MGAT4C: variants seen among roughly 807,000 people sequenced by gnomAD.
The protein encoded by MGAT4C is MGAT4 family member C, also known as alpha-1,3-mannosyl-glycoprotein 4-beta-N-acetylglucosaminyltransferase C.
MGAT4C carries 19 observed loss-of-function variants against 40.1 expected under a neutral mutation model. The observed-to-expected ratio is 0.47, with a 90% CI of 0.33 to 0.70. MGAT4C has a LOEUF of 0.70. Among genes scored for constraint, MGAT4C ranks in the 30% least tolerant of loss-of-function variants. MGAT4C has a pLI of 0.02. For missense variants in MGAT4C, 491 were observed against 563.2 expected, an observed-to-expected ratio of 0.87 and a Z score of 1.30; for synonymous variants, 181 against 187.1, an observed-to-expected ratio of 0.97 and a Z score of 0.27.
chr12:86,710,067 T>A (rs1021436669), intron 2 of MGAT4C, among the ~76,000 whole-genome samples: 2 of 152,188 alleles, frequency 1.3e-5, no homozygotes, highest in Non-Finnish European at 2.9e-5. Context: ...TACTAATTTC[T>A]ACTTCTATCC....
chr12:86,494,529 A>G (rs975926355), intron 2 of MGAT4C, among the ~76,000 whole-genome samples: 2 of 151,798 alleles, frequency 1.3e-5, no homozygotes, highest in African/African-American at 4.8e-5. Context: ...AACTTAGACT[A>G]TTAAAGAAAT....
chr12:86,658,276 A>C (rs2136544280), intron 2 of MGAT4C, among the ~76,000 whole-genome samples: 1 of 152,224 alleles, frequency 6.6e-6, no homozygotes, highest in Non-Finnish European at 1.5e-5. Flanking sequence ...CAGAGGTTTA[A>C]GTAAGAATTT....
intron 3 of MGAT4C, among the ~76,000 whole-genome samples, chr12:86,363,905 T>G (rs75053448): frequency 0.091 from 13,874 of 152,048 alleles, 793 homozygotes; most frequent in Middle Eastern, 0.22. Context: ...CAACAACTTA[T>G]AGTGAATAAA....
chr12:86,178,126 C>T (rs1310846279), intron 1 of MGAT4C, among the ~76,000 whole-genome samples: 2 of 152,120 alleles, frequency 1.3e-5, no homozygotes, highest in Non-Finnish European at 2.9e-5. Flanking sequence ...TTGGTAGAGA[C>T]AGGGTTTCAC....
chr12:85,980,775 A>G (rs1184266488), intron 4 of MGAT4C, among the ~76,000 whole-genome samples: 1 of 152,114 alleles, frequency 6.6e-6, no homozygotes, highest in Non-Finnish European at 1.5e-5. Context: ...GAAGGTAGAC[A>G]GGTACCTAGA....
intron 1 of MGAT4C, among the ~76,000 whole-genome samples, chr12:86,096,265 C>T (rs1332821175): frequency 3.3e-5 from 5 of 151,728 alleles, no homozygotes; most frequent in East Asian, 1.9e-4. Context: ...AGGTCACATA[C>T]ATGGCATGAC....
intron 1 of MGAT4C, among the ~76,000 whole-genome samples, chr12:86,233,045 T>C (rs550463609): frequency 1.3e-5 from 2 of 152,330 alleles, no homozygotes; most frequent in Admixed American, 6.5e-5. Context: ...AAAGATTCAA[T>C]GAGGCAGGTA....
intron 2 of MGAT4C, among the ~76,000 whole-genome samples, chr12:86,024,515 A>G (rs1461296556): frequency 3.3e-5 from 5 of 151,804 alleles, no homozygotes; most frequent in Admixed American, 1.3e-4. Flanking sequence ...CATTGATTTT[A>G]TAGAAGATAT....
intron 2 of MGAT4C, among the ~76,000 whole-genome samples, chr12:86,512,015 C>A (rs1276097722): frequency 6.6e-6 from 1 of 151,498 alleles, no homozygotes; most frequent in Admixed American, 6.6e-5. Context: ...GATTTATATT[C>A]AAAATATATT....
At chr12:86,510,298 T>C (rs1210972112) in intron 2 of MGAT4C, among the ~76,000 whole-genome samples, 2 of 152,080 alleles carry the variant, frequency 1.3e-5, no homozygotes, top group African/African-American at 4.8e-5. Context: ...GCTGAGAGAT[T>C]TTGTCACCAA....
intron 2 of MGAT4C, among the ~76,000 whole-genome samples, chr12:86,440,224 C>A (rs1388234559): frequency 6.6e-6 from 1 of 151,972 alleles, no homozygotes; most frequent in African/African-American, 2.4e-5. Flanking sequence ...ATGCAAAAAT[C>A]CTCAACAAAA....
intron 2 of MGAT4C, among the ~76,000 whole-genome samples, chr12:86,638,697 C>T (rs1431772502): frequency 1.3e-5 from 2 of 151,710 alleles, no homozygotes; most frequent in Admixed American, 1.3e-4. Flanking sequence ...GACTGATATA[C>T]AAGAAATCTG....
chr12:86,499,051 C>T (rs1387321523), intron 2 of MGAT4C, among the ~76,000 whole-genome samples: 1 of 151,778 alleles, frequency 6.6e-6, no homozygotes, highest in African/African-American at 2.4e-5. Flanking sequence ...TTTTTTCTTC[C>T]TTATAATTTT....
At chr12:86,051,966 C>A (rs1414759297) in intron 1 of MGAT4C, among the ~76,000 whole-genome samples, 1 of 151,396 alleles carries the variant, frequency 6.6e-6, no homozygotes, top group African/African-American at 2.4e-5. Context: ...GTTTTTAAAA[C>A]AATTGGAGAT....
intron 1 of MGAT4C, among the ~76,000 whole-genome samples, chr12:86,093,241 T>C (rs1219708691): frequency 6.6e-6 from 1 of 152,188 alleles, no homozygotes; most frequent in African/African-American, 2.4e-5. Flanking sequence ...ATTTTATCAC[T>C]ATGTTCCTTT....
chr12:86,653,048 T>G (rs557230154), intron 2 of MGAT4C, among the ~76,000 whole-genome samples: 7 of 151,976 alleles, frequency 4.6e-5, no homozygotes, highest in African/African-American at 1.7e-4. Context: ...ACTAATATTT[T>G]GTTTTAATTT....
At chr12:86,206,957 T>C (rs1473524503) in intron 1 of MGAT4C, among the ~76,000 whole-genome samples, 1 of 152,158 alleles carries the variant, frequency 6.6e-6, no homozygotes, top group Non-Finnish European at 1.5e-5. Flanking sequence ...TACTTTTCCA[T>C]GGTGCTGAAT....
chr12:86,009,218 C>T (rs1888209673), intron 2 of MGAT4C, among the ~76,000 whole-genome samples: 1 of 152,046 alleles, frequency 6.6e-6, no homozygotes. Context: ...GAATAATTCT[C>T]TTTTAGAATA....
At chr12:86,381,433 G>T (rs1465739810) in intron 3 of MGAT4C, among the ~76,000 whole-genome samples, 1 of 152,136 alleles carries the variant, frequency 6.6e-6, no homozygotes, top group Non-Finnish European at 1.5e-5. Context: ...GCAAGTCCTA[G>T]AGTCCAAAGG....
Sources: allele counts gnomAD v4.1 joint callset (sites outside exome capture counted in the v4.1 genomes callset), GRCh38; gene constraint gnomAD v4.1.1; transcripts MANE v1.5; gene names NCBI Gene and HGNC (gene_info 2026-07-23, HGNC 2026-07-21).